CACNA2D3: variants seen among roughly 807,000 people sequenced by gnomAD.
CACNA2D3 encodes calcium voltage-gated channel auxiliary subunit alpha2delta 3.
A neutral mutation model predicts 160.6 loss-of-function variants in CACNA2D3; 60 were observed. The ratio of observed to expected loss-of-function variants is 0.37; its 90% CI spans 0.30 to 0.46. The LOEUF (loss-of-function observed/expected upper bound fraction) is 0.46, where lower values mean the gene tolerates loss of function less well. Ranked by LOEUF, CACNA2D3 falls within the 20% of genes least tolerant of loss-of-function variation. The pLI, the probability that CACNA2D3 is intolerant of heterozygous loss-of-function variation, is 1.00. For synonymous variants in CACNA2D3, 558 were observed against 492.9 expected, an observed-to-expected ratio of 1.13 and a Z score of -1.75; for missense variants, 1,205 against 1,365.0, an observed-to-expected ratio of 0.88 and a Z score of 1.85.
At chr3:54,756,321 A>C (rs933646235) in intron 12 of CACNA2D3, among the ~76,000 whole-genome samples, 2 of 152,208 alleles carry the variant, frequency 1.3e-5, no homozygotes, top group African/African-American at 4.8e-5. Flanking sequence ...TAGCAATGCC[A>C]TCAAAATGTG....
At chr3:54,756,980 C>T (rs2107079157) in intron 12 of CACNA2D3, among the ~76,000 whole-genome samples, 1 of 152,214 alleles carries the variant, frequency 6.6e-6, no homozygotes, top group Admixed American at 6.5e-5. Flanking sequence ...ATTTTACATA[C>T]ATTAAAACAA....
intron 14 of CACNA2D3, among the ~76,000 whole-genome samples, chr3:54,820,489 ACT>A (rs1703567141): frequency 6.6e-6 from 1 of 152,082 alleles, no homozygotes; most frequent in East Asian, 1.9e-4. Context: ...TAATTCCTAG[ACT>A]CTATAAATTT....
chr3:54,909,081 G>A (rs1246519080), intron 27 of CACNA2D3, among the ~76,000 whole-genome samples: 1 of 152,214 alleles, frequency 6.6e-6, no homozygotes, highest in African/African-American at 2.4e-5. Flanking sequence ...ACAGAGCTTT[G>A]TGTATCAGAG....
intron 4 of CACNA2D3, among the ~76,000 whole-genome samples, chr3:54,445,201 C>T (rs1394265374): frequency 6.6e-6 from 1 of 152,214 alleles, no homozygotes. Context: ...CACCATGGCT[C>T]TGCTTCAGCC....
Position 54,122,810 on chromosome 3 carries a change from T to C in CACNA2D3, c.97T>C (p.Ser33Pro). 1 of 1,232,032 alleles carries C rather than the reference T, an allele frequency of 8.1e-7. No individual in the cohort carries two copies. The highest frequency in any genetic ancestry group is 3.2e-5 in the East Asian group (1 of 31,066). The allele number at this position is 1,232,032 out of a possible 1,614,324, so 76.3% of individuals were successfully genotyped here. A position where few individuals can be genotyped will look rare whatever the true frequency, so the allele number is the denominator to read the frequency against. The change falls in exon 1 of 38, where the codon TCG becomes CCG. Residue 33 changes from serine to proline, a missense_variant. Around this residue, in one of 3 missense-constraint regions of CACNA2D3, gnomAD observed 163 missense variants for 161.3 expected, o/e 1.01. Transcript: ENST00000474759. ...LYAALGDVVR[S>P]EQQIPLSVVK... ...CGCCGCGCTGGGGGACGTGGTGCGC[T>C]CGGAGCAGCAGATACCGCTCTCCGT...
At chr3:54,647,822 C>G (rs1401370260) in intron 11 of CACNA2D3, among the ~76,000 whole-genome samples, 1 of 152,206 alleles carries the variant, frequency 6.6e-6, no homozygotes, top group East Asian at 1.9e-4. Context: ...CAATGTGTCC[C>G]TTGCCAGTAT....
Position 54,891,347 on chromosome 3 carries a change from T to C in CACNA2D3, c.2151-8T>C. ...GGCCTCCCCCTGACGTCTGTTGTTC[T>C]GTTTCAGAAATTCTGACAAGGGCGT... On this transcript the variant is annotated splice_region_variant and splice_polypyrimidine_tract_variant and intron_variant, in intron 24 of 37. Coordinates refer to ENST00000474759, the MANE Select transcript of CACNA2D3 (RefSeq NM_018398.3). The C allele has an allele frequency of 1.2e-6, 2 of 1,610,662 alleles. No homozygotes were observed. Among genetic ancestry groups the C allele is most frequent in the Non-Finnish European group, 1.7e-6 (2 of 1,176,924 alleles).
At chr3:54,330,658 A>C (rs1372011984) in intron 3 of CACNA2D3, among the ~76,000 whole-genome samples, 1 of 152,228 alleles carries the variant, frequency 6.6e-6, no homozygotes, top group Non-Finnish European at 1.5e-5. Flanking sequence ...CACAGAGATG[A>C]TGGAAGCAGC....
chr3:54,453,712 T>C (rs758811548), intron 4 of CACNA2D3, among the ~76,000 whole-genome samples: 2 of 152,202 alleles, frequency 1.3e-5, no homozygotes, highest in African/African-American at 4.8e-5. Context: ...GGTGTTACTG[T>C]TAGGTAAGTT....
At chr3:54,777,803 G>C (rs1180685438) in intron 13 of CACNA2D3, among the ~76,000 whole-genome samples, 2 of 152,232 alleles carry the variant, frequency 1.3e-5, no homozygotes, top group Non-Finnish European at 2.9e-5. Context: ...GCAGGGACCA[G>C]TGGGAAACAC....
At chr3:54,931,507 T>G (rs1275229318) in intron 27 of CACNA2D3, among the ~76,000 whole-genome samples, 3 of 152,100 alleles carry the variant, frequency 2.0e-5, no homozygotes, top group Non-Finnish European at 4.4e-5. Flanking sequence ...ACAGCCATGC[T>G]TGCAAAAAGA....
chr3:54,813,234 T>TG (rs1388831242), intron 13 of CACNA2D3, among the ~76,000 whole-genome samples: 1 of 152,230 alleles, frequency 6.6e-6, no homozygotes, highest in African/African-American at 2.4e-5. Flanking sequence ...CAATGCTGCC[T>TG]GTCCAGACCC....
At chr3:54,914,345 G>A (rs1700616935) in intron 27 of CACNA2D3, among the ~76,000 whole-genome samples, 1 of 152,166 alleles carries the variant, frequency 6.6e-6, no homozygotes, top group Admixed American at 6.5e-5. Context: ...TATTAGCAAT[G>A]TCTGCAATGG....
chr3:54,518,409 C>T (rs1057362819), intron 5 of CACNA2D3, among the ~76,000 whole-genome samples: 1 of 152,138 alleles, frequency 6.6e-6, no homozygotes, highest in Non-Finnish European at 1.5e-5. Context: ...GAGCAAGCAC[C>T]TGGGGTTCCC....
chr3:54,951,598 C>A lies in CACNA2D3; in HGVS notation c.2450-16852C>A, dbSNP rs570898748. On this transcript the variant is annotated intron_variant, in intron 27 of 37. Coordinates refer to ENST00000474759, the MANE Select transcript of CACNA2D3 (RefSeq NM_018398.3). ...AGCCCCACTGAGAACCACAGGAGAGCCTGGGAGCCACAGGGCGGCTGGCTC... is the reference window on the plus strand; with the variant it reads ...AGCCCCACTGAGAACCACAGGAGAGACTGGGAGCCACAGGGCGGCTGGCTC... Among the ~76,000 whole-genome samples the A allele has an allele frequency of 2.0e-5, 3 of 152,298 alleles. No individual in the cohort carries two copies. In the South Asian group the frequency reaches 6.2e-4, roughly 32 times the overall value.
At chr3:54,697,047 C>G (rs1460619277) in intron 11 of CACNA2D3, among the ~76,000 whole-genome samples, 1 of 152,092 alleles carries the variant, frequency 6.6e-6, no homozygotes, top group Non-Finnish European at 1.5e-5. Flanking sequence ...GAGGCCGAGG[C>G]AGGTGGATCA....
At chr3:54,707,298 T>A (rs189812364) in intron 11 of CACNA2D3, among the ~76,000 whole-genome samples, 5 of 152,300 alleles carry the variant, frequency 3.3e-5, no homozygotes, top group Admixed American at 2.6e-4. Flanking sequence ...AGGTTTGATT[T>A]GAAGTTTGTT....
intron 2 of CACNA2D3, among the ~76,000 whole-genome samples, chr3:54,245,561 G>A (rs1164974678): frequency 6.6e-6 from 1 of 152,146 alleles, no homozygotes; most frequent in South Asian, 2.1e-4. Flanking sequence ...CTTGGCACTG[G>A]CACTGAAAGC....
chr3:54,376,683 ATAAT>A (rs1400589597), intron 3 of CACNA2D3, among the ~76,000 whole-genome samples: 5 of 152,146 alleles, frequency 3.3e-5, no homozygotes, highest in African/African-American at 1.2e-4. Context: ...TTCTTCCCAC[ATAAT>A]TAATCATCAT....
Sources: gnomAD v4.1 joint callset for allele counts (sites outside exome capture counted in the v4.1 genomes callset) on GRCh38, gnomAD v4.1.1 for gene constraint, gnomAD v4.1.1 regional missense constraint, MANE v1.5 for transcripts, NCBI Gene and HGNC (gene_info 2026-07-23, HGNC 2026-07-21) for gene names.